The following SUZ12 variants were observed in gnomAD, a reference collection of about 807,000 sequenced individuals.
SUZ12 encodes the protein SUZ12 polycomb repressive complex 2 subunit, also known as polycomb protein SUZ12.
In SUZ12, 17 loss-of-function variants were observed where a neutral mutation model predicts 87.3. The ratio of observed to expected loss-of-function variants is 0.19; its 90% CI spans 0.13 to 0.29. The LOEUF is 0.29. SUZ12 is among the 10% of genes least tolerant of loss of function. The pLI is 1.00. For synonymous variants in SUZ12, 253 were observed against 312.4 expected (o/e 0.81, Z 2.01); for missense variants, 526 against 912.2 (o/e 0.58, Z 5.45).
At chr17:31,938,545 T>C (rs1280621198) in intron 1 of SUZ12, among the ~76,000 whole-genome samples, 1 of 152,228 alleles carries the variant, frequency 6.6e-6, no homozygotes, top group Non-Finnish European at 1.5e-5. Context: ...TGGAACTTAA[T>C]AGAAGGAATT....
intron 4 of SUZ12, among the ~76,000 whole-genome samples, chr17:31,955,255 A>G (rs1030943108): frequency 1.3e-4 from 19 of 151,972 alleles, no homozygotes; most frequent in African/African-American, 3.4e-4. Context: ...GGCACATGCT[A>G]CCATGTCCCA....
At chr17:31,997,567 G>T (rs920081966) in intron 15 of SUZ12, among the ~76,000 whole-genome samples, 1 of 149,938 alleles carries the variant, frequency 6.7e-6, no homozygotes, top group African/African-American at 2.5e-5. Context: ...GGAGGCTGAG[G>T]CACTATAATC....
chr17:31,966,012 G>A (rs765751364), intron 4 of SUZ12, 135 bp from the exon 5 acceptor site: 1 of 721,224 alleles, frequency 1.4e-6, no homozygotes, highest in Non-Finnish European at 2.3e-6. Context: ...AGAGTCATGG[G>A]CCTGAATAAC....
At chr17:31,944,512 G>A (rs1241381639) in intron 3 of SUZ12, among the ~76,000 whole-genome samples, 2 of 152,054 alleles carry the variant, frequency 1.3e-5, no homozygotes, top group Admixed American at 6.6e-5. Context: ...TCTGTTGTCC[G>A]CATGGGTAGA....
At chr17:31,989,915 C>T (rs981505608) in intron 10 of SUZ12, among the ~76,000 whole-genome samples, 51 of 150,726 alleles carry the variant, frequency 3.4e-4, no homozygotes, top group African/African-American at 1.2e-3. Flanking sequence ...AGCCCAGGAA[C>T]TATGTTTTTT....
At chr17:31,988,042 G>T (rs546710279) in intron 9 of SUZ12, among the ~76,000 whole-genome samples, 4 of 152,158 alleles carry the variant, frequency 2.6e-5, no homozygotes, top group Admixed American at 1.3e-4. Flanking sequence ...CTGAAAATCT[G>T]TCTGTGTTGG....
chr17:31,982,719 C>T (rs887778830), intron 8 of SUZ12, among the ~76,000 whole-genome samples: 12 of 152,056 alleles, frequency 7.9e-5, no homozygotes, highest in Non-Finnish European at 1.8e-4. Context: ...ATGTTGACAA[C>T]GTACCAGGTT....
chr17:31,966,212 T>C lies in SUZ12; in HGVS notation c.505+16T>C. On this transcript the variant is annotated intron_variant, in intron 5 of 15. Transcript: ENST00000322652. ...CACAAAAATGGTATGTATTTAAAAG[T>C]AAATAAAGTGGCATTTTAATAGCAA... is the stretch of plus-strand genomic sequence containing the variant. 1 of 1,594,580 alleles carries C rather than the reference T, an allele frequency of 6.3e-7. No individual in the cohort carries two copies. The highest frequency in any genetic ancestry group is 1.1e-5 in the South Asian group (1 of 87,212).
In SUZ12 at chr17:31,937,381, C is replaced by G; in HGVS notation, c.135C>G (p.Ser45Arg). ...TASGGKSGGG[S>R]CGGGGSYSAS... ...CGGGCGGCAAATCCGGCGGCGGGAG[C>G]TGTGGAGGGGGTGGCAGTTACTCGG... The change falls in exon 1 of 16, where the codon AGC (serine) becomes AGG (arginine). Residue 45 changes from serine (S) to arginine (R), a missense_variant. Coordinates refer to ENST00000322652, the MANE Select transcript of SUZ12 (RefSeq NM_015355.4). 1 of 1,516,572 alleles carries G rather than the reference C, an allele frequency of 6.6e-7. No homozygotes were observed. The highest frequency in any genetic ancestry group is 8.8e-7 in the Non-Finnish European group (1 of 1,134,166). The allele number at this position is 1,516,572 out of a possible 1,614,324, so 93.9% of individuals were successfully genotyped here. A position where few individuals can be genotyped will look rare whatever the true frequency, so the allele number is the denominator to read the frequency against.
At position 31,990,776 on chromosome 17, in the gene SUZ12, TTC is replaced by T. The variant is rs953187377; in HGVS notation, c.1201+2288_1201+2289del. On this transcript the variant is annotated intron_variant, in intron 10 of 15. Transcript: ENST00000322652. ...TTTACTTTTTTTTTTGAGACAGGGT[TTC>T]TCTCTCTCACCCTGGCTGGAGTGCA... is the stretch of plus-strand genomic sequence containing the variant. Among the ~76,000 whole-genome samples, 5 of 152,086 alleles carry T rather than the reference TTC, an allele frequency of 3.3e-5. No individual in the cohort carries two copies. In the East Asian group the frequency reaches 5.8e-4, roughly 18 times the overall value.
intron 3 of SUZ12, among the ~76,000 whole-genome samples, chr17:31,945,881 A>G (rs1906603946): frequency 3.9e-5 from 6 of 152,320 alleles, no homozygotes; most frequent in Middle Eastern, 3.4e-3. Flanking sequence ...CAGTAGTTTC[A>G]TGGCCCTCCT....
intron 9 of SUZ12, among the ~76,000 whole-genome samples, chr17:31,985,798 G>A (rs1311085202): frequency 6.6e-6 from 1 of 151,850 alleles, no homozygotes; most frequent in African/African-American, 2.4e-5. Context: ...GAGTAGCTGC[G>A]ATCACAGGTG....
At chr17:31,982,807 C>G (rs111954730) in intron 8 of SUZ12, among the ~76,000 whole-genome samples, 192 bp from the exon 9 acceptor site, 723 of 138,714 alleles carry the variant, frequency 5.2e-3, no homozygotes, top group South Asian at 0.017. Context: ...CCTAGTAATA[C>G]AGTTTTTAGT....
chr17:31,947,803 A>C, intron 4 of SUZ12, 118 bp downstream of exon 4: 1 of 1,079,664 alleles, frequency 9.3e-7, no homozygotes, highest in Non-Finnish European at 1.3e-6. Flanking sequence ...CTTAGAGGTC[A>C]GTTTGGTCCA....
Position 31,983,114 on chromosome 17 carries a change from A to G in SUZ12, c.1023+10A>G, listed in dbSNP as rs1341530878. 1.2e-6 allele frequency: 2 copies of G among 1,611,186 alleles called. No individual in the cohort carries two copies. The highest frequency in any genetic ancestry group is 2.2e-5 in the East Asian group (1 of 44,824). ...TATTCTTGATGGGAAGGTATGGACT[A>G]CTTAGAAGGTTGAGCACGTTATAGT... On this transcript the variant is annotated intron_variant, in intron 9 of 15. Transcript: ENST00000322652.
intron 10 of SUZ12, among the ~76,000 whole-genome samples, chr17:31,988,779 A>G (rs1433218599): frequency 6.6e-6 from 1 of 151,762 alleles, no homozygotes; most frequent in Non-Finnish European, 1.5e-5. Context: ...GTTTTAGTAG[A>G]GACAGGGTTG....
At chr17:31,939,828 C>T (rs1391792669) in intron 1 of SUZ12, among the ~76,000 whole-genome samples, 4 of 152,088 alleles carry the variant, frequency 2.6e-5, no homozygotes, top group African/African-American at 9.7e-5. Flanking sequence ...GCCTGGCCGG[C>T]TGACTACAGA....
intron 6 of SUZ12, among the ~76,000 whole-genome samples, chr17:31,974,708 G>A (rs904845552): frequency 4.6e-5 from 7 of 152,114 alleles, no homozygotes; most frequent in Non-Finnish European, 1.0e-4. Flanking sequence ...AGACCTGGGG[G>A]GGTGGGTGAG....
At chr17:31,971,033 T>C (rs1449083090) in intron 5 of SUZ12, among the ~76,000 whole-genome samples, 1 of 152,190 alleles carries the variant, frequency 6.6e-6, no homozygotes, top group Non-Finnish European at 1.5e-5. Context: ...TTAATTTACA[T>C]AGAGAATATA....
Sources: allele counts gnomAD v4.1 joint callset (sites outside exome capture counted in the v4.1 genomes callset), GRCh38; gene constraint gnomAD v4.1.1; transcripts MANE v1.5; gene names NCBI Gene and HGNC (gene_info 2026-07-23, HGNC 2026-07-21).